ACSM6: variants seen among roughly 807,000 people sequenced by gnomAD.
ACSM6 encodes acyl-CoA synthetase medium chain family member 6, also known as acyl-coenzyme A synthetase ACSM6, mitochondrial.
ACSM6 carries 35 observed loss-of-function variants against 51.1 expected under a neutral mutation model. The observed-to-expected ratio is 0.69, with a 90% CI of 0.52 to 0.91. The LOEUF is 0.91. Ranked by LOEUF, ACSM6 falls within the 40% of genes least tolerant of loss-of-function variation. ACSM6 has a pLI of 0.00. For missense variants in ACSM6, 509 were observed against 584.1 expected (o/e 0.87, Z 1.32); for synonymous variants, 172 against 207.3 (o/e 0.83, Z 1.46).
chr10:95,219,733 G>A (rs139300818), intron 8 of ACSM6, among the ~76,000 whole-genome samples, 158 bp from the exon 9 acceptor site: 705 of 152,010 alleles, frequency 4.6e-3, no homozygotes, highest in Middle Eastern at 6.8e-3. Context: ...GGTTAATTTA[G>A]TCACACTCCT....
At chr10:95,194,421 C>A in intron 1 of ACSM6, 44 bp from the exon 2 acceptor site, 1 of 1,434,820 alleles carries the variant, frequency 7.0e-7, no homozygotes, top group South Asian at 1.3e-5. Context: ...GATTATCCCT[C>A]TGAGCTGCTC....
In ACSM6 at chr10:95,207,522, G is replaced by A. The variant is rs1167054434; in HGVS notation, c.611+107G>A. 3.7e-5 allele frequency: 44 copies of A among 1,177,248 alleles called. No homozygotes were observed. In the East Asian group the frequency reaches 1.0e-3, roughly 27 times the overall value. The allele number at this position is 1,177,248 out of a possible 1,614,324, so 72.9% of individuals were successfully genotyped here. ...GAGTGGTCAGAATGAAAAGCTGAAT[G>A]GCAATTTCTATGCAAGATTAGATGA... On this transcript the variant is annotated intron_variant, in intron 4 of 10. Coordinates refer to ENST00000341686, the Ensembl canonical transcript of ACSM6.
chr10:95,222,109 A>G (rs1311697760), intron 9 of ACSM6, among the ~76,000 whole-genome samples: 1 of 152,244 alleles, frequency 6.6e-6, no homozygotes, highest in Non-Finnish European at 1.5e-5. Context: ...AGAAGTATTC[A>G]AATCAGAAAG....
intron 3 of ACSM6, among the ~76,000 whole-genome samples, chr10:95,205,443 A>G (rs1226884045): frequency 6.6e-6 from 1 of 152,170 alleles, no homozygotes; most frequent in African/African-American, 2.4e-5. Flanking sequence ...TATGATGGAA[A>G]GAATGAGGGA....
Position 95,208,990 on chromosome 10 carries a change from C to T in ACSM6, c.611+1575C>T, listed in dbSNP as rs113984230. On this transcript the variant is annotated intron_variant, in intron 4 of 10. Coordinates refer to ENST00000341686, the Ensembl canonical transcript of ACSM6. ...TAAACGAGACAGTCAAACCCCGACCCTCATGGATTTTATATTATAGACAAC... is the reference window on the plus strand; with the variant it reads ...TAAACGAGACAGTCAAACCCCGACCTTCATGGATTTTATATTATAGACAAC... 7.8e-3 allele frequency among the ~76,000 whole-genome samples: 1,136 copies of T among 146,140 alleles called. 19 individuals are homozygous for T. Among genetic ancestry groups the T allele is most frequent in the African/African-American group, 0.028 (1,086 of 39,362 alleles).
intron 9 of ACSM6, among the ~76,000 whole-genome samples, chr10:95,222,393 T>C (rs1343496524): frequency 6.6e-6 from 1 of 152,028 alleles, no homozygotes; most frequent in Non-Finnish European, 1.5e-5. Flanking sequence ...GAGGCCAAGG[T>C]GGGCAGATCA....
chr10:95,202,236 G>A, intron 3 of ACSM6, 41 bp downstream of exon 3: 3 of 1,456,746 alleles, frequency 2.1e-6, no homozygotes, highest in Non-Finnish European at 2.8e-6. Flanking sequence ...GGAGGCTTAT[G>A]TGAATCCCAG....
At chr10:95,198,628 G>T (rs2034759610) in intron 2 of ACSM6, among the ~76,000 whole-genome samples, 1 of 147,078 alleles carries the variant, frequency 6.8e-6, no homozygotes, top group Non-Finnish European at 1.5e-5. Flanking sequence ...TCCAGCCTGG[G>T]CGACAGAGCA....
chr10:95,223,256 A>G (rs1226349041), intron 9 of ACSM6, among the ~76,000 whole-genome samples: 1 of 152,084 alleles, frequency 6.6e-6, no homozygotes, highest in Non-Finnish European at 1.5e-5. Context: ...TTAAGGAAGC[A>G]TTAACATTAA....
In ACSM6 at chr10:95,222,316, A is replaced by G. The variant is rs983057688; in HGVS notation, c.1200+2345A>G. ...TTCTATACACTACAATAAATTATCAAAAAGGAAATTAAGAAAACAATCTTG... is the reference window on the plus strand; with the variant it reads ...TTCTATACACTACAATAAATTATCAGAAAGGAAATTAAGAAAACAATCTTG... On this transcript the variant is annotated intron_variant, in intron 9 of 10. Transcript: ENST00000341686. 2.6e-5 allele frequency among the ~76,000 whole-genome samples: 4 copies of G among 152,132 alleles called. No individual in the cohort carries two copies. The South Asian group carries it at 8.3e-4, about 32-fold the overall frequency.
chr10:95,223,190 A>ACT (rs1491075899), intron 9 of ACSM6, among the ~76,000 whole-genome samples: 1 of 148,740 alleles, frequency 6.7e-6, no homozygotes, highest in Non-Finnish European at 1.5e-5. Context: ...ACACACACAC[A>ACT]CTTCCCACAA....
intron 8 of ACSM6, among the ~76,000 whole-genome samples, chr10:95,216,955 A>G (rs1395283916): frequency 1.3e-5 from 2 of 152,216 alleles, no homozygotes; most frequent in African/African-American, 4.8e-5. Flanking sequence ...TATATGATGG[A>G]AACACCACAG....
chr10:95,216,195 C>T (rs1432568861), intron 8 of ACSM6, among the ~76,000 whole-genome samples: 1 of 152,106 alleles, frequency 6.6e-6, no homozygotes, highest in Non-Finnish European at 1.5e-5. Flanking sequence ...AGCAACCCAG[C>T]ATATCCAAGA....
At chr10:95,197,990 G>A (rs201511124) in intron 2 of ACSM6, among the ~76,000 whole-genome samples, 4 of 152,188 alleles carry the variant, frequency 2.6e-5, no homozygotes, top group African/African-American at 7.2e-5. Flanking sequence ...AACAAGGCAC[G>A]TCCTGCACAA....
At chr10:95,199,766 G>C (rs1438718000) in intron 2 of ACSM6, among the ~76,000 whole-genome samples, 1 of 152,144 alleles carries the variant, frequency 6.6e-6, no homozygotes, top group Admixed American at 6.5e-5. Flanking sequence ...CATCATCACC[G>C]GCCATCAGAG....
At chr10:95,224,549 C>T (rs11599884) in intron 9 of ACSM6, among the ~76,000 whole-genome samples, 54,333 of 152,028 alleles carry the variant, frequency 0.36, 10,141 homozygotes, top group Non-Finnish European at 0.39. Context: ...TATAGGCATG[C>T]GCCACCACGC....
At chr10:95,215,288 G>C (rs1329931450) in intron 8 of ACSM6, among the ~76,000 whole-genome samples, 3 of 152,210 alleles carry the variant, frequency 2.0e-5, no homozygotes, top group South Asian at 4.1e-4. Flanking sequence ...GTACAAGTCT[G>C]AGTGGAGGAT....
chr10:95,226,685 C>G (rs1214154056), intron 10 of ACSM6, among the ~76,000 whole-genome samples: 1 of 152,208 alleles, frequency 6.6e-6, no homozygotes, highest in Admixed American at 6.5e-5. Context: ...TCCATTTTAT[C>G]TATAAAGAGA....
intron 2 of ACSM6, among the ~76,000 whole-genome samples, chr10:95,198,274 T>C (rs566345483): frequency 2.2e-4 from 34 of 151,928 alleles, no homozygotes; most frequent in African/African-American, 7.2e-4. Flanking sequence ...CCTGATGTGA[T>C]GGGCTGTGGC....
Sources: allele counts gnomAD v4.1 joint callset (sites outside exome capture counted in the v4.1 genomes callset), GRCh38; gene constraint gnomAD v4.1.1; transcripts MANE v1.5; gene names NCBI Gene and HGNC (gene_info 2026-07-23, HGNC 2026-07-21).